DAPK1: variants seen among roughly 807,000 people sequenced by gnomAD.
DAPK1 encodes death-associated protein kinase 1.
In DAPK1, 56 loss-of-function variants were observed where a neutral mutation model predicts 144.9. The observed-to-expected ratio is 0.39, with a 90% CI of 0.31 to 0.48. The LOEUF (loss-of-function observed/expected upper bound fraction) is 0.48. DAPK1 is among the 20% of genes least tolerant of loss of function. The probability of loss-of-function intolerance (pLI) is 0.95; values close to 1 mark genes in which losing one functional copy is unlikely to be tolerated. For missense variants in DAPK1, 1,454 were observed against 1,875.4 expected, an observed-to-expected ratio of 0.78 and a Z score of 4.15; for synonymous variants, 690 against 749.0, an observed-to-expected ratio of 0.92 and a Z score of 1.29.
chr9:87,595,686 C>A (rs1330691535), intron 2 of DAPK1, among the ~76,000 whole-genome samples: 2 of 152,214 alleles, frequency 1.3e-5, no homozygotes, highest in Admixed American at 6.5e-5. Context: ...TTCCAGGAGA[C>A]CTTGTCCTTG....
At chr9:87,582,770 G>A (rs1053102064) in intron 2 of DAPK1, among the ~76,000 whole-genome samples, 3 of 151,948 alleles carry the variant, frequency 2.0e-5, no homozygotes, top group African/African-American at 7.3e-5. Context: ...GGCCAGGCTG[G>A]TATTGAACTC....
chr9:87,643,376 C>CA lies in DAPK1; in HGVS notation c.921dup (p.Ser308IlefsTer20). The CA allele has an allele frequency of 7.7e-7, 1 of 1,297,492 alleles. No homozygotes were observed. The highest frequency in any genetic ancestry group is 1.0e-6 in the Non-Finnish European group (1 of 986,706). 80.4% of individuals were successfully genotyped at this position (1,297,492 alleles called of 1,614,324 possible). ...TTTTTTTTTTTTTTTTAAAAAAAAG[C>CA]AATCCGTTCGCTTGATATCACTGTG... On this transcript the variant is annotated frameshift_variant and splice_region_variant, in exon 11 of 26. Coordinates refer to ENST00000408954, the MANE Select transcript of DAPK1 (RefSeq NM_004938.4). LOFTEE classifies it high-confidence loss of function.
rs748723486 is a variant in DAPK1 at position 87,706,515 on chromosome 9, C to T, written c.3444C>T (p.Val1148=). 1.9e-5 allele frequency: 31 copies of T among 1,614,014 alleles called. No individual in the cohort carries two copies. The South Asian group carries it at 3.3e-4, about 17-fold the overall frequency. The change falls in exon 26 of 26, where the codon GTC becomes GTT. Residue 1148 remains valine, a synonymous_variant. Coordinates refer to ENST00000408954, the MANE Select transcript of DAPK1 (RefSeq NM_004938.4). This position sits in a 1 kb window ranked among gnomAD's most constrained non-coding sequence, Gnocchi z 9.0. ...TPFPCGIFHK[V]QVNLCRWIHQ... The stretch of plus-strand genomic sequence containing the variant: ...TCCCATGTGGCATCTTTCACAAGGT[C>T]CAGGTGAACCTGTGCCGGTGGATCC...
chr9:87,676,743 T>A (rs1022988367), intron 19 of DAPK1, among the ~76,000 whole-genome samples: 1 of 152,170 alleles, frequency 6.6e-6, no homozygotes, highest in Admixed American at 6.5e-5. Context: ...CTCCAATATT[T>A]CACTCCAAAG....
intron 2 of DAPK1, among the ~76,000 whole-genome samples, chr9:87,509,131 T>C (rs1391116501): frequency 6.6e-6 from 1 of 152,216 alleles, no homozygotes; most frequent in Non-Finnish European, 1.5e-5. Context: ...TACAAGCTGT[T>C]TGGCTTTATA....
intron 19 of DAPK1, among the ~76,000 whole-genome samples, chr9:87,678,160 C>T (rs1042074017): frequency 2.0e-5 from 3 of 152,182 alleles, no homozygotes; most frequent in Non-Finnish European, 4.4e-5. Flanking sequence ...GGTTTGGTGC[C>T]GTGGCCTCCA....
chr9:87,549,175 G>A (rs942488464), intron 2 of DAPK1, among the ~76,000 whole-genome samples: 25 of 152,178 alleles, frequency 1.6e-4, no homozygotes, highest in Non-Finnish European at 2.8e-4. Context: ...CCACTTACAA[G>A]TGAGAACATG....
chr9:87,703,241 G>C (rs1825520071), intron 25 of DAPK1, 24 bp downstream of exon 25: 1 of 1,494,074 alleles, frequency 6.7e-7, no homozygotes, highest in Admixed American at 1.7e-5. Context: ...AGCCCAGGCA[G>C]GGGGCCGTGA....
chr9:87,613,285 A>G (rs566733921), intron 3 of DAPK1, among the ~76,000 whole-genome samples: 32 of 152,234 alleles, frequency 2.1e-4, no homozygotes, highest in Non-Finnish European at 3.7e-4. Context: ...AATTCTATGC[A>G]TATTGTTGTG....
intron 2 of DAPK1, among the ~76,000 whole-genome samples, chr9:87,518,927 A>AAAC (rs1383909058): frequency 6.6e-6 from 1 of 151,996 alleles, no homozygotes; most frequent in African/African-American, 2.4e-5. Flanking sequence ...GGAAAAAAAA[A>AAAC]AAAAAGATTT....
At chr9:87,507,393 G>A (rs928437551) in intron 2 of DAPK1, among the ~76,000 whole-genome samples, 6 of 152,116 alleles carry the variant, frequency 3.9e-5, no homozygotes, top group Admixed American at 3.9e-4. Flanking sequence ...TGTATTTTTA[G>A]AGGATTTCTC....
chr9:87,640,865 A>G lies in DAPK1; in HGVS notation c.828+18A>G, dbSNP rs745823486. ...GGATCAAGGTGAGTTGCATATTACG[A>G]AACTGTTTAGATCACTTTCTATGTG... On this transcript the variant is annotated intron_variant, in intron 9 of 25. Transcript: ENST00000408954. 1.2e-6 allele frequency: 2 copies of G among 1,612,768 alleles called. No homozygotes were observed. Among genetic ancestry groups the G allele is most frequent in the Non-Finnish European group, 1.7e-6 (2 of 1,178,834 alleles).
Position 87,643,419 on chromosome 9 carries a change from C to T in DAPK1, c.962C>T (p.Ser321Leu). The T allele has an allele frequency of 1.3e-6, 2 of 1,597,054 alleles. No homozygotes were observed. Among genetic ancestry groups the T allele is most frequent in the Admixed American group, 1.7e-5 (1 of 58,678 alleles). The change falls in exon 11 of 26, where the codon TCA (serine) becomes TTA (leucine). Residue 321 changes from serine (S) to leucine (L), a missense_variant. Physicochemically the swap from Ser to Leu is moderately radical, Grantham distance 145. Around this residue, in one of 2 missense-constraint regions of DAPK1, gnomAD observed 429 missense variants for 637.5 expected, o/e 0.67. Coordinates refer to ENST00000408954, the MANE Select transcript of DAPK1 (RefSeq NM_004938.4). Reference sequence around the variant, plus strand: ...TCACTGTGCCAAAGATTATCCAGGTCATTCCTGTCCAGAAGTAACATGAGT... The same window carrying T: ...TCACTGTGCCAAAGATTATCCAGGTTATTCCTGTCCAGAAGTAACATGAGT... The part of the protein sequence containing the change: ...LISLCQRLSR[S>L]FLSRSNMSVA...
Position 87,638,209 on chromosome 9 carries a change from A to G in DAPK1, c.423+128A>G, listed in dbSNP as rs544891231. The G allele has an allele frequency of 4.3e-5, 44 of 1,025,022 alleles. No individual in the cohort carries two copies. The East Asian group carries it at 1.1e-3, about 26-fold the overall frequency. The allele number at this position is 1,025,022 out of a possible 1,614,324, so 63.5% of individuals were successfully genotyped here. On this transcript the variant is annotated intron_variant, in intron 4 of 25. Coordinates refer to ENST00000408954, the MANE Select transcript of DAPK1 (RefSeq NM_004938.4). ...TCCTGTACCAGTTTAACAAACAGAA[A>G]TATCACTATAAATCGGCAAGCATAG...
At chr9:87,596,549 C>T (rs1313627796) in intron 2 of DAPK1, among the ~76,000 whole-genome samples, 1 of 152,182 alleles carries the variant, frequency 6.6e-6, no homozygotes. Flanking sequence ...TGATGAGAAG[C>T]AGAGAACTTG....
Position 87,666,475 on chromosome 9 carries a change from T to C in DAPK1, c.1924-2122T>C, listed in dbSNP as rs563556989. Among the ~76,000 whole-genome samples, 47 of 144,956 alleles carry C rather than the reference T, an allele frequency of 3.2e-4. No individual in the cohort carries two copies. In the East Asian group the frequency reaches 8.4e-3, roughly 26 times the overall value. On this transcript the variant is annotated intron_variant, in intron 18 of 25. Coordinates refer to ENST00000408954, the MANE Select transcript of DAPK1 (RefSeq NM_004938.4). ...TTTATATATATATATGTTTTTGTTT[T>C]TGTTTTTTTTTTTTTTGAGATGGAG...
At chr9:87,665,034 G>A (rs1433837572) in intron 18 of DAPK1, among the ~76,000 whole-genome samples, 1 of 152,202 alleles carries the variant, frequency 6.6e-6, no homozygotes, top group Non-Finnish European at 1.5e-5. Context: ...ACCTTCTGCA[G>A]GTTTTGACTC....
chr9:87,637,298 T>C (rs1049255752), intron 3 of DAPK1, among the ~76,000 whole-genome samples: 3 of 152,088 alleles, frequency 2.0e-5, no homozygotes, highest in African/African-American at 7.2e-5. Context: ...TTCTCCATGT[T>C]GGCCAGGATG....
intron 21 of DAPK1, among the ~76,000 whole-genome samples, chr9:87,696,170 C>CAT (rs964554444): frequency 1.3e-4 from 19 of 151,150 alleles, no homozygotes; most frequent in Admixed American, 1.2e-3. Context: ...TGTATACAGA[C>CAT]ACACACACAC....
Sources: gnomAD v4.1 joint callset for allele counts (sites outside exome capture counted in the v4.1 genomes callset) on GRCh38, gnomAD v4.1.1 for gene constraint, gnomAD v4.1.1 regional missense constraint, Gnocchi (gnomAD v3.1) non-coding constraint, MANE v1.5 for transcripts, NCBI Gene and HGNC (gene_info 2026-07-23, HGNC 2026-07-21) for gene names.